The following TSHR variants were observed in gnomAD, a reference collection of about 807,000 sequenced individuals.
The protein encoded by TSHR is thyrotropin receptor.
Under a neutral mutation model 64.1 loss-of-function variants are expected in TSHR, and 51 were observed. That is an observed-to-expected ratio of 0.80 (90% CI 0.64 to 1.01). The LOEUF is 1.01. Ranked by LOEUF, TSHR falls within the 50% of genes least tolerant of loss-of-function variation. The pLI, the probability that TSHR is intolerant of heterozygous loss-of-function variation, is 0.00. For synonymous variants in TSHR, 361 were observed against 361.9 expected, an observed-to-expected ratio of 1.00 and a Z score of 0.03; for missense variants, 877 against 942.8, an observed-to-expected ratio of 0.93 and a Z score of 0.91.
intron 1 of TSHR, among the ~76,000 whole-genome samples, chr14:81,008,888 G>A (rs1319510621): frequency 1.3e-5 from 2 of 152,094 alleles, no homozygotes; most frequent in East Asian, 3.9e-4. Context: ...ATGATATATA[G>A]CAATGTACCC....
At chr14:81,120,346 C>T (rs1327807690) in intron 8 of TSHR, among the ~76,000 whole-genome samples, 1 of 152,116 alleles carries the variant, frequency 6.6e-6, no homozygotes, top group Non-Finnish European at 1.5e-5. Context: ...AATCCATTGA[C>T]ATGAAAAACG....
chr14:81,102,938 C>G, intron 7 of TSHR: 1 of 985,242 alleles, frequency 1.0e-6, no homozygotes, highest in African/African-American at 1.7e-5. Flanking sequence ...TTTTTTTAAT[C>G]AGTATTTTGA....
At chr14:81,089,848 G>A (rs1214186883) in intron 4 of TSHR, among the ~76,000 whole-genome samples, 1 of 152,040 alleles carries the variant, frequency 6.6e-6, no homozygotes, top group African/African-American at 2.4e-5. Flanking sequence ...TTTGTTATCT[G>A]GAATGTCCCT....
At chr14:81,105,588 G>C (rs1262153709) in intron 7 of TSHR, among the ~76,000 whole-genome samples, 2 of 152,198 alleles carry the variant, frequency 1.3e-5, no homozygotes, top group African/African-American at 2.4e-5. Context: ...GGCTTTTCCA[G>C]TCTGAAGTCT....
intron 1 of TSHR, chr14:80,982,510 G>A (rs1566747755): frequency 1.9e-6 from 2 of 1,043,176 alleles, no homozygotes; most frequent in Non-Finnish European, 2.6e-6. Context: ...GAATGTCATT[G>A]GGAACTGGTT....
chr14:81,019,361 C>T (rs988799223), intron 1 of TSHR, among the ~76,000 whole-genome samples: 2 of 146,980 alleles, frequency 1.4e-5, no homozygotes, highest in African/African-American at 5.0e-5. Context: ...GTTGCATGAG[C>T]AATTATAGTG....
chr14:81,027,492 G>A (rs1884130399), intron 1 of TSHR, among the ~76,000 whole-genome samples: 1 of 152,026 alleles, frequency 6.6e-6, no homozygotes, highest in South Asian at 2.1e-4. Context: ...TATCTTATCT[G>A]AAAAGCAAAA....
chr14:81,098,680 C>T (rs1889374951), intron 7 of TSHR, among the ~76,000 whole-genome samples: 1 of 152,096 alleles, frequency 6.6e-6, no homozygotes, highest in South Asian at 2.1e-4. Context: ...ATAAAGGCAA[C>T]AAAGACTCAC....
chr14:81,093,880 CA>C (rs1888954232), intron 6 of TSHR: 2 of 152,190 alleles, frequency 1.3e-5, no homozygotes, highest in Non-Finnish European at 2.9e-5. Flanking sequence ...ATATAGTGCT[CA>C]TCATAAGGAA....
intron 1 of TSHR, among the ~76,000 whole-genome samples, chr14:80,997,639 T>G (rs1012879260): frequency 2.6e-5 from 4 of 152,174 alleles, no homozygotes; most frequent in African/African-American, 9.7e-5. Context: ...ACAATAATAA[T>G]TAATACTTAT....
intron 8 of TSHR, among the ~76,000 whole-genome samples, chr14:81,136,714 C>T (rs1891468892): frequency 6.6e-6 from 1 of 152,166 alleles, no homozygotes. Context: ...TTATTGAGCA[C>T]CTACCATATG....
intron 1 of TSHR, among the ~76,000 whole-genome samples, chr14:80,963,119 G>C (rs179245): frequency 0.57 from 87,175 of 152,044 alleles, 26,618 homozygotes; most frequent in East Asian, 0.8. Context: ...GATATCCCAA[G>C]TAGGTCAACA....
At chr14:81,123,454 C>G (rs967710288) in intron 8 of TSHR, among the ~76,000 whole-genome samples, 1 of 152,106 alleles carries the variant, frequency 6.6e-6, no homozygotes, top group Non-Finnish European at 1.5e-5. Context: ...CTTTTTATAA[C>G]CTTCCTGTAT....
rs1887478685 is a variant in TSHR, at chr14:80,969,332, T to C, written c.170+13482T>C. ...ATGCATCCCTTGGTTGAGGCAATGC[T>C]GTACACGTTTTCATACTGGTAGATC... On this transcript the variant is annotated intron_variant, in intron 1 of 9. Coordinates refer to ENST00000298171, the MANE Select transcript of TSHR (RefSeq NM_000369.5). 3.9e-5 allele frequency among the ~76,000 whole-genome samples: 6 copies of C among 152,382 alleles called. No homozygotes were observed. The South Asian group carries it at 1.0e-3, about 26-fold the overall frequency.
chr14:81,080,637 T>C (rs927713795), intron 3 of TSHR, among the ~76,000 whole-genome samples: 6 of 152,218 alleles, frequency 3.9e-5, no homozygotes, highest in Non-Finnish European at 8.8e-5. Context: ...CTTTTGGTTA[T>C]AGATTATTTC....
chr14:81,080,735 A>G (rs1887841750), intron 3 of TSHR, among the ~76,000 whole-genome samples: 1 of 152,162 alleles, frequency 6.6e-6, no homozygotes, highest in Admixed American at 6.5e-5. Flanking sequence ...ATCCTCGATA[A>G]TGTAGGAAAT....
intron 1 of TSHR, among the ~76,000 whole-genome samples, chr14:80,978,094 A>AACACACAC (rs60697218): frequency 2.2e-3 from 321 of 146,490 alleles, no homozygotes; most frequent in African/African-American, 6.8e-3. Flanking sequence ...ACATCCCTCC[A>AACACACAC]ACACACACAC....
At chr14:81,079,270 A>C (rs1887721454) in intron 3 of TSHR, among the ~76,000 whole-genome samples, 1 of 152,190 alleles carries the variant, frequency 6.6e-6, no homozygotes, top group Non-Finnish European at 1.5e-5. Context: ...TCAATAACAT[A>C]CAGATTGCTG....
At chr14:81,090,910 T>C (rs566199702) in intron 4 of TSHR, among the ~76,000 whole-genome samples, 159 bp from the exon 5 acceptor site, 1 of 152,330 alleles carries the variant, frequency 6.6e-6, no homozygotes, top group Non-Finnish European at 1.5e-5. Context: ...CATCAGAACT[T>C]GCCCATAGTT....
Sources: allele counts gnomAD v4.1 joint callset (sites outside exome capture counted in the v4.1 genomes callset), GRCh38; gene constraint gnomAD v4.1.1; transcripts MANE v1.5; gene names NCBI Gene and HGNC (gene_info 2026-07-23, HGNC 2026-07-21).